CNTNAP2: variants seen among roughly 807,000 people sequenced by gnomAD.
The protein encoded by CNTNAP2 is contactin associated protein 2.
In CNTNAP2, 98 loss-of-function variants were observed where a neutral mutation model predicts 155.2. The ratio of observed to expected loss-of-function variants is 0.63; its 90% CI spans 0.54 to 0.75. The LOEUF (loss-of-function observed/expected upper bound fraction) is 0.75. CNTNAP2 is among the 30% of genes least tolerant of loss of function. The pLI is 0.00. For missense variants in CNTNAP2, 1,727 were observed against 1,688.1 expected (o/e 1.02, Z -0.40); for synonymous variants, 651 against 631.2 (o/e 1.03, Z -0.47).
At chr7:146,361,690 T>A (rs1563055150) in intron 1 of CNTNAP2, among the ~76,000 whole-genome samples, 1 of 152,174 alleles carries the variant, frequency 6.6e-6, no homozygotes, top group Non-Finnish European at 1.5e-5. Context: ...TCAGGATCCA[T>A]TTTCAAGTGG....
intron 1 of CNTNAP2, among the ~76,000 whole-genome samples, chr7:146,571,554 C>A (rs1798439857): frequency 6.6e-6 from 1 of 151,962 alleles, no homozygotes; most frequent in South Asian, 2.1e-4. Flanking sequence ...TGATTTTTGT[C>A]TAGCTCTGAG....
chr7:147,285,442 A>G (rs932470111), intron 8 of CNTNAP2, among the ~76,000 whole-genome samples: 1 of 152,008 alleles, frequency 6.6e-6, no homozygotes, highest in Non-Finnish European at 1.5e-5. Flanking sequence ...CATACATACT[A>G]TTTTAAAGGA....
chr7:146,419,250 A>C (rs930097704), intron 1 of CNTNAP2, among the ~76,000 whole-genome samples: 3 of 152,052 alleles, frequency 2.0e-5, no homozygotes, highest in African/African-American at 7.2e-5. Context: ...CAGATCTTCT[A>C]AGACTTATTA....
intron 1 of CNTNAP2, among the ~76,000 whole-genome samples, chr7:146,319,046 C>T (rs962722201): frequency 2.6e-5 from 4 of 151,938 alleles, no homozygotes; most frequent in Non-Finnish European, 5.9e-5. Flanking sequence ...TCCAACATGT[C>T]TTAGGGGTGG....
At chr7:146,320,422 T>C (rs971302161) in intron 1 of CNTNAP2, among the ~76,000 whole-genome samples, 2 of 152,154 alleles carry the variant, frequency 1.3e-5, no homozygotes, top group Non-Finnish European at 2.9e-5. Context: ...CGTAAATTCA[T>C]TATTATACTG....
intron 11 of CNTNAP2, among the ~76,000 whole-genome samples, chr7:147,518,167 T>A (rs566036124): frequency 1.1e-4 from 16 of 152,326 alleles, no homozygotes; most frequent in African/African-American, 3.8e-4. Flanking sequence ...AGTATATCTA[T>A]CATATACCTG....
At chr7:146,514,493 C>T (rs981069491) in intron 1 of CNTNAP2, among the ~76,000 whole-genome samples, 2 of 152,030 alleles carry the variant, frequency 1.3e-5, no homozygotes, top group Admixed American at 6.6e-5. Flanking sequence ...TCTGGTTGAT[C>T]AGTCCTGCTG....
At chr7:146,377,046 A>G (rs1178654302) in intron 1 of CNTNAP2, among the ~76,000 whole-genome samples, 1 of 152,162 alleles carries the variant, frequency 6.6e-6, no homozygotes, top group Non-Finnish European at 1.5e-5. Context: ...TAAAATATAC[A>G]GCCTCCGGTA....
chr7:147,591,604 T>G (rs1326775661), intron 12 of CNTNAP2, among the ~76,000 whole-genome samples: 1 of 152,218 alleles, frequency 6.6e-6, no homozygotes, highest in Non-Finnish European at 1.5e-5. Context: ...CCTTCCCTTT[T>G]TTATTTATGT....
chr7:147,560,509 A>G (rs1161158766), intron 11 of CNTNAP2, among the ~76,000 whole-genome samples: 2 of 152,178 alleles, frequency 1.3e-5, no homozygotes, highest in East Asian at 1.9e-4. Flanking sequence ...GACCCTTGGG[A>G]CATTGAAAGT....
chr7:147,937,293 C>T (rs750215615), intron 14 of CNTNAP2, among the ~76,000 whole-genome samples: 3 of 152,098 alleles, frequency 2.0e-5, no homozygotes, highest in Non-Finnish European at 4.4e-5. Context: ...CATGTTTTCT[C>T]ACAAAGATCT....
At chr7:147,387,791 C>T (rs73475228) in intron 9 of CNTNAP2, among the ~76,000 whole-genome samples, 5,004 of 152,102 alleles carry the variant, frequency 0.033, 107 homozygotes, top group South Asian at 0.045. Context: ...TAGTAGGTCT[C>T]GTTCATTAGA....
intron 3 of CNTNAP2, among the ~76,000 whole-genome samples, chr7:146,990,478 A>T (rs1798190704): frequency 2.0e-5 from 3 of 152,098 alleles, no homozygotes; most frequent in Middle Eastern, 3.2e-3. Flanking sequence ...TTTACCACTA[A>T]AAATAGACAC....
intron 9 of CNTNAP2, among the ~76,000 whole-genome samples, chr7:147,326,760 T>C (rs1795467768): frequency 6.6e-6 from 1 of 152,228 alleles, no homozygotes; most frequent in African/African-American, 2.4e-5. Context: ...GAAATGGTTT[T>C]CTTTCACAAA....
chr7:146,195,805 G>A (rs115278219), intron 1 of CNTNAP2, among the ~76,000 whole-genome samples: 3,139 of 152,230 alleles, frequency 0.021, 95 homozygotes, highest in African/African-American at 0.065. Context: ...TACAACGCAC[G>A]CCTCAGAATG....
intron 10 of CNTNAP2, among the ~76,000 whole-genome samples, chr7:147,482,253 CTAGGTTAATTAG>C (rs1482448637): frequency 6.6e-6 from 1 of 151,924 alleles, no homozygotes; most frequent in African/African-American, 2.4e-5. Flanking sequence ...AAAGGGGTAG[CTAGGTTAATTAG>C]TATTTTGTTT....
At chr7:148,257,870 C>T (rs903221833) in intron 20 of CNTNAP2, among the ~76,000 whole-genome samples, 3 of 152,086 alleles carry the variant, frequency 2.0e-5, no homozygotes, top group South Asian at 2.1e-4. Context: ...GAGATTCCTC[C>T]CTCTACAAAC....
At chr7:147,301,602 G>C (rs879645632) in intron 9 of CNTNAP2, among the ~76,000 whole-genome samples, 9,371 of 66,694 alleles carry the variant, frequency 0.14, 599 homozygotes, top group African/African-American at 0.32. Flanking sequence ...CTGTGTGTGT[G>C]TGTGTGTGTG....
At chr7:147,112,032 G>A (rs574954660) in intron 5 of CNTNAP2, among the ~76,000 whole-genome samples, 2 of 152,028 alleles carry the variant, frequency 1.3e-5, no homozygotes, top group Non-Finnish European at 2.9e-5. Context: ...CCATTTATTT[G>A]TGTCATCTCT....
Sources: gnomAD v4.1 joint callset for allele counts (sites outside exome capture counted in the v4.1 genomes callset) on GRCh38, gnomAD v4.1.1 for gene constraint, MANE v1.5 for transcripts, NCBI Gene and HGNC (gene_info 2026-07-23, HGNC 2026-07-21) for gene names.